Variants in PRKN observed in about 807,000 individuals in gnomAD.
PRKN encodes E3 ubiquitin-protein ligase parkin.
In PRKN, 56 loss-of-function variants were observed where a neutral mutation model predicts 59.5. The observed-to-expected ratio is 0.94, with a 90% confidence interval of 0.76 to 1.18. The LOEUF (loss-of-function observed/expected upper bound fraction) is 1.18, where lower values mean the gene tolerates loss of function less well. PRKN is among the 50% of genes most tolerant of loss of function. PRKN has a pLI of 0.00. For missense variants in PRKN, 657 were observed against 596.4 expected (o/e 1.10, Z -1.06); for synonymous variants, 250 against 222.1 (o/e 1.13, Z -1.12).
intron 5 of PRKN, among the ~76,000 whole-genome samples, chr6:161,991,002 G>A (rs1010382386): frequency 2.6e-5 from 4 of 152,158 alleles, no homozygotes; most frequent in Admixed American, 2.6e-4. Flanking sequence ...AAAACAGTAA[G>A]AGAAAAGTGT....
chr6:162,306,381 G>C (rs533309832), intron 2 of PRKN, among the ~76,000 whole-genome samples: 9 of 152,268 alleles, frequency 5.9e-5, no homozygotes, highest in Admixed American at 5.2e-4. Context: ...AACCCCTATG[G>C]GGCAATTTCC....
At chr6:162,695,451 T>TA (rs1777933373) in intron 1 of PRKN, among the ~76,000 whole-genome samples, 1 of 152,114 alleles carries the variant, frequency 6.6e-6, no homozygotes, top group Non-Finnish European at 1.5e-5. Context: ...ATAGCCCCAT[T>TA]AAAAAATGTC....
intron 6 of PRKN, 102 bp from the exon 7 acceptor site, chr6:161,786,010 G>T: frequency 8.5e-7 from 1 of 1,175,906 alleles, no homozygotes; most frequent in Non-Finnish European, 1.2e-6. Context: ...TGTGTAGACT[G>T]TGCTCTGTGC....
At chr6:162,231,004 C>A (rs6927026) in intron 3 of PRKN, among the ~76,000 whole-genome samples, 1 of 152,198 alleles carries the variant, frequency 6.6e-6, no homozygotes, top group Non-Finnish European at 1.5e-5. Context: ...GGTTCCTGTA[C>A]GACAAATGCT....
chr6:161,738,214 A>G (rs1283001818), intron 7 of PRKN, among the ~76,000 whole-genome samples: 1 of 152,194 alleles, frequency 6.6e-6, no homozygotes, highest in East Asian at 1.9e-4. Flanking sequence ...CACCTATAAG[A>G]ATAACTTATT....
chr6:162,108,635 C>T (rs916734997), intron 4 of PRKN, among the ~76,000 whole-genome samples: 2 of 152,170 alleles, frequency 1.3e-5, no homozygotes, highest in Non-Finnish European at 1.5e-5. Context: ...GTTGGTGTGA[C>T]AGGGTTAGTT....
rs1784783856 is a variant in PRKN at position 161,357,036 on chromosome 6, G to T, written c.1285+3052C>A. ...AACAGAAAGCAACAGGTCCAGGTTC[G>T]CTGACCACTTCCTTTTTTTTTTTTT... is the stretch of plus-strand genomic sequence containing the variant. On this transcript the variant is annotated intron_variant, in intron 11 of 11. Transcript: ENST00000366898. This position sits in a 1 kb window ranked among gnomAD's most constrained non-coding sequence, Gnocchi z 5.5. Among the ~76,000 whole-genome samples the T allele has an allele frequency of 6.7e-6, 1 of 149,818 alleles. No homozygotes were observed.
chr6:161,592,587 T>G lies in PRKN; in HGVS notation c.872-23171A>C, dbSNP rs993346338. ...GTTCCTATGCTCAGGGGATTTACACTCCACTAGATGATACTTAAGTACACA... is the reference window on the plus strand; with the variant it reads ...GTTCCTATGCTCAGGGGATTTACACGCCACTAGATGATACTTAAGTACACA... On this transcript the variant is annotated intron_variant, in intron 7 of 11. Coordinates refer to ENST00000366898, the MANE Select transcript of PRKN (RefSeq NM_004562.3). The surrounding 1 kb of genome is among the most constrained non-coding windows in gnomAD (Gnocchi z 4.8). Among the ~76,000 whole-genome samples, 5 of 151,936 alleles carry G rather than the reference T, an allele frequency of 3.3e-5. No homozygotes were observed. Among genetic ancestry groups the G allele is most frequent in the Admixed American group, 3.3e-4 (5 of 15,230 alleles).
At chr6:162,509,343 A>C (rs561932015) in intron 1 of PRKN, among the ~76,000 whole-genome samples, 22 of 152,324 alleles carry the variant, frequency 1.4e-4, no homozygotes, top group Non-Finnish European at 2.9e-4. Flanking sequence ...TTAAGATTTT[A>C]CTATAAGAAC....
intron 3 of PRKN, among the ~76,000 whole-genome samples, chr6:162,204,559 C>A (rs1252945118): frequency 1.3e-5 from 2 of 152,198 alleles, no homozygotes; most frequent in East Asian, 3.8e-4. Context: ...CCCAGATTTA[C>A]CAAATTCTCC....
chr6:161,800,937 C>G (rs1791049583), intron 6 of PRKN, among the ~76,000 whole-genome samples: 1 of 152,160 alleles, frequency 6.6e-6, no homozygotes, highest in African/African-American at 2.4e-5. Context: ...GAGGGCAGGG[C>G]CCACTCCTGT....
chr6:161,786,448 A>C (rs1790423672), intron 6 of PRKN, among the ~76,000 whole-genome samples: 3 of 152,118 alleles, frequency 2.0e-5, no homozygotes, highest in African/African-American at 7.2e-5. Flanking sequence ...AAGTATTTTA[A>C]GGGAATCAAA....
intron 7 of PRKN, among the ~76,000 whole-genome samples, chr6:161,633,057 G>A (rs1159573087): frequency 6.6e-6 from 1 of 152,066 alleles, no homozygotes; most frequent in East Asian, 1.9e-4. Flanking sequence ...AGGCTTTGCT[G>A]TACAAACAAT....
At position 162,354,105 on chromosome 6, in the gene PRKN, T is replaced by C. The variant is rs578129293; in HGVS notation, c.171+89205A>G. Among the ~76,000 whole-genome samples the C allele has an allele frequency of 1.9e-3, 293 of 152,288 alleles. 2 individuals carry two copies. Among genetic ancestry groups the C allele is most frequent in the African/African-American group, 6.7e-3 (278 of 41,572 alleles). On this transcript the variant is annotated intron_variant, in intron 2 of 11. Transcript: ENST00000366898. ...GTCTAGAATTTAATTCTGCAGCATA[T>C]GGAAATTTGCCTCTGCAATGTTATG...
intron 3 of PRKN, among the ~76,000 whole-genome samples, chr6:162,240,811 C>A (rs1778955336): frequency 6.6e-6 from 1 of 152,144 alleles, no homozygotes; most frequent in South Asian, 2.1e-4. Context: ...GAGTTACCTA[C>A]CAAAGTACCA....
At chr6:162,196,862 T>C (rs1329083553) in intron 4 of PRKN, among the ~76,000 whole-genome samples, 1 of 152,158 alleles carries the variant, frequency 6.6e-6, no homozygotes, top group African/African-American at 2.4e-5. Flanking sequence ...TCAGGAAATG[T>C]TAGAATTAAG....
At position 161,972,234 on chromosome 6, in the gene PRKN, A is replaced by G. The variant is rs1346412108; in HGVS notation, c.734+1068T>C. Among the ~76,000 whole-genome samples, 3 of 149,596 alleles carry G rather than the reference A, an allele frequency of 2.0e-5. No individual in the cohort carries two copies. In the South Asian group the frequency reaches 6.3e-4, roughly 32 times the overall value. On this transcript the variant is annotated intron_variant, in intron 6 of 11. Transcript: ENST00000366898. ...GGTTGCAGTGAGCCGAGATCCCGCC[A>G]TTGCACTCCAGCCTGAGCAACAAGA...
intron 4 of PRKN, among the ~76,000 whole-genome samples, chr6:162,084,590 T>G (rs755205483): frequency 6.6e-6 from 1 of 152,180 alleles, no homozygotes; most frequent in Non-Finnish European, 1.5e-5. Context: ...ATAATTGTGT[T>G]ATACTGTTGC....
At chr6:161,628,748 G>A (rs926483481) in intron 7 of PRKN, among the ~76,000 whole-genome samples, 17 of 152,156 alleles carry the variant, frequency 1.1e-4, no homozygotes, top group Admixed American at 7.2e-4. Flanking sequence ...GTTAATTAAT[G>A]CATTCACTCA....
Sources: gnomAD v4.1 joint callset for allele counts (sites outside exome capture counted in the v4.1 genomes callset) on GRCh38, gnomAD v4.1.1 for gene constraint, Gnocchi (gnomAD v3.1) non-coding constraint, MANE v1.5 for transcripts, NCBI Gene and HGNC (gene_info 2026-07-23, HGNC 2026-07-21) for gene names.